LRRC37B: variants seen among roughly 807,000 people sequenced by gnomAD.
LRRC37B encodes leucine rich repeat containing 37B, also known as leucine-rich repeat-containing protein 37B.
Under a neutral mutation model 98.3 loss-of-function variants are expected in LRRC37B, and 28 were observed. The observed-to-expected ratio is 0.28, with a 90% CI of 0.21 to 0.39. The LOEUF is 0.39. Ranked by LOEUF, LRRC37B falls within the 10% of genes least tolerant of loss-of-function variation. The probability of loss-of-function intolerance (pLI) is 1.00; values close to 1 mark genes in which losing one functional copy is unlikely to be tolerated. For missense variants in LRRC37B, 938 were observed against 1,182.7 expected, an observed-to-expected ratio of 0.79 and a Z score of 3.03; for synonymous variants, 364 against 442.7, an observed-to-expected ratio of 0.82 and a Z score of 2.23.
chr17:32,009,861 GTC>G (rs1454323857), intron 1 of LRRC37B, among the ~76,000 whole-genome samples: 1 of 151,202 alleles, frequency 6.6e-6, no homozygotes, highest in Non-Finnish European at 1.5e-5. Context: ...GCCCAGGCTG[GTC>G]TTGAACTCCT....
chr17:32,048,044 A>T, intron 9 of LRRC37B, 143 bp downstream of exon 12: 1 of 1,405,846 alleles, frequency 7.1e-7, no homozygotes, highest in African/African-American at 1.4e-5. Context: ...TACAAGATGG[A>T]GATAGGCTCC....
chr17:32,043,854 C>T (rs1181097966), intron 7 of LRRC37B, among the ~76,000 whole-genome samples: 3 of 124,244 alleles, frequency 2.4e-5, no homozygotes, highest in Non-Finnish European at 5.1e-5. Context: ...CAAAGTCATC[C>T]TTTTAGAGGA....
chr17:32,052,252 C>T (rs1911780804), intron 11 of LRRC37B: 1 of 150,022 alleles, frequency 6.7e-6, no homozygotes, highest in Middle Eastern at 3.2e-3. Flanking sequence ...ATGGTGTGAT[C>T]TAGCTCACTG....
chr17:32,024,798 C>G lies in LRRC37B; in HGVS notation c.1832+16C>G, dbSNP rs771624982. 1 of 1,598,354 alleles carries G rather than the reference C, an allele frequency of 6.3e-7. No individual in the cohort carries two copies. The highest frequency in any genetic ancestry group is 1.3e-5 in the African/African-American group (1 of 74,218). On this transcript the variant is annotated intron_variant, in intron 2 of 11. Transcript: ENST00000327564. Reference sequence around the variant, plus strand: ...CCGAGAAACTGTGAGTATATTCTCTCCAAATATGACAAAAAACTAACTGCA... The same window carrying G: ...CCGAGAAACTGTGAGTATATTCTCTGCAAATATGACAAAAAACTAACTGCA...
intron 7 of LRRC37B, chr17:32,041,032 T>A (rs1212450057): frequency 2.6e-6 from 2 of 776,996 alleles, no homozygotes; most frequent in African/African-American, 3.4e-5. Flanking sequence ...ATGCACAACC[T>A]CCTGGAGACC....
chr17:32,021,022 G>A (rs753472120), exon 1 of LRRC37B: 18 of 1,578,334 alleles, frequency 1.1e-5, no homozygotes, highest in Non-Finnish European at 1.5e-5. Flanking sequence ...CTGGACCCAA[G>A]CCTAATAAAG....
intron 11 of LRRC37B, chr17:32,050,660 G>A (rs1237972056): frequency 6.6e-6 from 1 of 151,624 alleles, no homozygotes; most frequent in Non-Finnish European, 1.5e-5. Context: ...TTTTGGCCAC[G>A]TTTTCAAATT....
intron 1 of LRRC37B, among the ~76,000 whole-genome samples, chr17:32,012,527 G>A (rs1485504392): frequency 6.6e-6 from 1 of 151,548 alleles, no homozygotes; most frequent in Non-Finnish European, 1.5e-5. Flanking sequence ...GACCAGACCG[G>A]CCAACATGGC....
At chr17:32,045,665 A>G (rs758883657) in intron 7 of LRRC37B, 35 bp from the exon 11 acceptor site, 2 of 1,603,170 alleles carry the variant, frequency 1.2e-6, no homozygotes, top group South Asian at 2.2e-5. Flanking sequence ...TAACCGCTTT[A>G]CCACTAATTT....
chr17:32,029,920 C>T (rs1223161659), intron 3 of LRRC37B, among the ~76,000 whole-genome samples: 1 of 151,954 alleles, frequency 6.6e-6, no homozygotes, highest in South Asian at 2.1e-4. Flanking sequence ...AATAATTTCC[C>T]AGGAGGTGCT....
chr17:32,021,550 T>C, exon 1 of LRRC37B: 1 of 1,614,070 alleles, frequency 6.2e-7, no homozygotes, highest in Non-Finnish European at 8.5e-7. Context: ...CCAGAGGTGG[T>C]TCCGCTTCTC....
chr17:32,049,471 A>C, intron 10 of LRRC37B, 77 bp downstream of exon 13: 1 of 1,464,746 alleles, frequency 6.8e-7, no homozygotes, highest in Non-Finnish European at 9.1e-7. Flanking sequence ...ACATAGGAGA[A>C]CCTGGGACTC....
At chr17:32,045,431 A>G in intron 7 of LRRC37B, 2 of 370,128 alleles carry the variant, frequency 5.4e-6, no homozygotes, top group Admixed American at 4.3e-5. Context: ...GGGAAGAGAT[A>G]CCTCTGAATT....
At chr17:32,033,294 A>C (rs752222538) in intron 5 of LRRC37B, among the ~76,000 whole-genome samples, 1 of 149,540 alleles carries the variant, frequency 6.7e-6, no homozygotes, top group Non-Finnish European at 1.5e-5. Flanking sequence ...TGGAAACTTT[A>C]ACTCAAAAGA....
chr17:32,044,816 G>A (rs1263273336), intron 7 of LRRC37B, among the ~76,000 whole-genome samples: 1 of 152,212 alleles, frequency 6.6e-6, no homozygotes. Context: ...CTTGAGCCCA[G>A]GGGGTCGAGG....
intron 7 of LRRC37B, chr17:32,045,467 T>C: frequency 1.9e-6 from 1 of 519,042 alleles, no homozygotes; most frequent in Non-Finnish European, 3.5e-6. Flanking sequence ...TGTCACCCAA[T>C]TCTAATCCCA....
At chr17:32,048,334 G>A (rs535506038) in intron 9 of LRRC37B, among the ~76,000 whole-genome samples, 67 of 149,128 alleles carry the variant, frequency 4.5e-4, no homozygotes, top group African/African-American at 1.4e-3. Context: ...AAGGAAAAAG[G>A]CTTGAGGGTC....
intron 2 of LRRC37B, among the ~76,000 whole-genome samples, chr17:32,027,431 CTG>C (rs538155916): frequency 4.7e-5 from 5 of 105,680 alleles, no homozygotes; most frequent in South Asian, 3.1e-4. Flanking sequence ...GCGTGCTTGC[CTG>C]TGTGTGTGTG....
intron 11 of LRRC37B, chr17:32,052,939 T>C: frequency 4.7e-6 from 1 of 212,286 alleles, no homozygotes; most frequent in Non-Finnish European, 9.3e-6. Flanking sequence ...AGGGTGATCC[T>C]GTCTCTAAGT....
Sources: allele counts gnomAD v4.1 joint callset (sites outside exome capture counted in the v4.1 genomes callset), GRCh38; gene constraint gnomAD v4.1.1; transcripts MANE v1.5; gene names NCBI Gene and HGNC (gene_info 2026-07-23, HGNC 2026-07-21).